Variants in CNTN5 observed in about 807,000 individuals in gnomAD.
CNTN5 encodes the protein contactin-5.
Under a neutral mutation model 129.1 loss-of-function variants are expected in CNTN5, and 77 were observed. The ratio of observed to expected loss-of-function variants is 0.60; its 90% CI spans 0.50 to 0.72. The LOEUF (loss-of-function observed/expected upper bound fraction) is 0.72, where lower values mean the gene tolerates loss of function less well. Ranked by LOEUF, CNTN5 falls within the 30% of genes least tolerant of loss-of-function variation. The pLI is 0.00. For missense variants in CNTN5, 1,478 were observed against 1,328.8 expected, an observed-to-expected ratio of 1.11 and a Z score of -1.75; for synonymous variants, 509 against 465.6, an observed-to-expected ratio of 1.09 and a Z score of -1.20.
chr11:99,472,453 T>C (rs7945901), intron 2 of CNTN5, among the ~76,000 whole-genome samples: 31,126 of 152,116 alleles, frequency 0.2, 3,292 homozygotes, highest in Admixed American at 0.24. Flanking sequence ...CCTGATGCTA[T>C]GTTTCTATGA....
intron 2 of CNTN5, among the ~76,000 whole-genome samples, chr11:99,493,659 T>C (rs534241019): frequency 9.2e-5 from 14 of 152,128 alleles, no homozygotes; most frequent in Non-Finnish European, 1.5e-4. Context: ...TAAAATTAAA[T>C]GTTAAGAAGA....
chr11:100,291,429 T>TA (rs1236663312), intron 18 of CNTN5, among the ~76,000 whole-genome samples: 13 of 142,260 alleles, frequency 9.1e-5, no homozygotes, highest in African/African-American at 3.3e-4. Context: ...TATGCAGCCA[T>TA]AAAATATGAT....
At position 99,584,607 on chromosome 11, in the gene CNTN5, C is replaced by T. The variant is rs187252897; in HGVS notation, c.55+28338C>T. Among the ~76,000 whole-genome samples, 1,307 of 152,188 alleles carry T rather than the reference C, an allele frequency of 8.6e-3. 18 individuals are homozygous for T. Among genetic ancestry groups the T allele is most frequent in the African/African-American group, 0.029 (1,191 of 41,524 alleles). The stretch of plus-strand genomic sequence containing the variant: ...CTCAATAATATCTCCCATGAAACAA[C>T]AAAAATATTAATATTATTAAATAAA... On this transcript the variant is annotated intron_variant, in intron 3 of 24. Transcript: ENST00000524871.
At chr11:99,629,610 T>C (rs983888923) in intron 3 of CNTN5, among the ~76,000 whole-genome samples, 2 of 66,610 alleles carry the variant, frequency 3.0e-5, no homozygotes, top group Non-Finnish European at 7.1e-5. Flanking sequence ...ATAAAAATTA[T>C]TAGATTTTTC....
intron 1 of CNTN5, among the ~76,000 whole-genome samples, chr11:99,073,089 A>G (rs1374455624): frequency 6.6e-6 from 1 of 152,180 alleles, no homozygotes; most frequent in Non-Finnish European, 1.5e-5. Flanking sequence ...TCATTGCTAT[A>G]TAGTATTCCA....
chr11:99,458,533 A>AT (rs983534512), intron 2 of CNTN5, among the ~76,000 whole-genome samples: 1 of 152,012 alleles, frequency 6.6e-6, no homozygotes, highest in Non-Finnish European at 1.5e-5. Flanking sequence ...AAAAATCTAT[A>AT]TATCTATTAT....
chr11:99,255,506 T>A (rs1391991409), intron 1 of CNTN5, among the ~76,000 whole-genome samples: 2 of 140,670 alleles, frequency 1.4e-5, no homozygotes, highest in African/African-American at 6.4e-5. Flanking sequence ...ATTAATTAAA[T>A]AAATACTTTA....
At chr11:100,128,241 T>C (rs1946259949) in intron 13 of CNTN5, among the ~76,000 whole-genome samples, 1 of 152,126 alleles carries the variant, frequency 6.6e-6, no homozygotes, top group Non-Finnish European at 1.5e-5. Flanking sequence ...TCCCTCCTTT[T>C]TTCCTGTCTC....
chr11:99,052,870 TA>T (rs1864482725), intron 1 of CNTN5, among the ~76,000 whole-genome samples: 1 of 151,902 alleles, frequency 6.6e-6, no homozygotes, highest in Non-Finnish European at 1.5e-5. Context: ...TGTAATGCTA[TA>T]ATAAAAGAAA....
chr11:99,336,945 T>C (rs1866253919), intron 2 of CNTN5, among the ~76,000 whole-genome samples: 1 of 152,156 alleles, frequency 6.6e-6, no homozygotes, highest in African/African-American at 2.4e-5. Context: ...ATGCTTGGTG[T>C]ACAGATTTTT....
chr11:99,190,933 G>C (rs770129343), intron 1 of CNTN5, among the ~76,000 whole-genome samples: 2 of 151,506 alleles, frequency 1.3e-5, no homozygotes, highest in Non-Finnish European at 3.0e-5. Context: ...GTCTTAGAGG[G>C]ATAGCTTTCA....
At chr11:100,260,104 A>G (rs892130104) in intron 17 of CNTN5, among the ~76,000 whole-genome samples, 2 of 152,222 alleles carry the variant, frequency 1.3e-5, no homozygotes, top group Admixed American at 1.3e-4. Flanking sequence ...AAAAAATGAT[A>G]AAGGGGATAT....
chr11:99,685,206 GTT>G (rs1419359181), intron 3 of CNTN5, among the ~76,000 whole-genome samples: 1 of 151,286 alleles, frequency 6.6e-6, no homozygotes, highest in African/African-American at 2.4e-5. Flanking sequence ...TACTTTCTAT[GTT>G]TTTTCTATTG....
intron 3 of CNTN5, among the ~76,000 whole-genome samples, chr11:99,648,316 A>AATAAGTAGTATAGACAG (rs1482011435): frequency 6.6e-6 from 1 of 151,598 alleles, no homozygotes; most frequent in Non-Finnish European, 1.5e-5. Flanking sequence ...TTTGTAAAAA[A>AATAAGTAGTATAGACAG]TGTTCAGCAT....
chr11:100,242,013 T>C (rs1008586419), intron 16 of CNTN5, among the ~76,000 whole-genome samples: 1 of 152,238 alleles, frequency 6.6e-6, no homozygotes, highest in East Asian at 1.9e-4. Flanking sequence ...GCTTCTTTCT[T>C]TGGACTTCTC....
intron 3 of CNTN5, among the ~76,000 whole-genome samples, chr11:99,748,532 T>G (rs1591087512): frequency 6.6e-6 from 1 of 152,100 alleles, no homozygotes; most frequent in Non-Finnish European, 1.5e-5. Flanking sequence ...GCTGGAGAAC[T>G]AGAAAAGCCA....
chr11:100,094,765 A>AAGGAAGGAAGG (rs1491219635), intron 13 of CNTN5, among the ~76,000 whole-genome samples: 24 of 113,850 alleles, frequency 2.1e-4, no homozygotes, highest in African/African-American at 6.8e-4. Context: ...GGGAGGGAGG[A>AAGGAAGGAAGG]AAGGAAGGAA....
At chr11:99,417,279 A>G (rs979630936) in intron 2 of CNTN5, among the ~76,000 whole-genome samples, 5 of 152,166 alleles carry the variant, frequency 3.3e-5, no homozygotes, top group African/African-American at 1.2e-4. Flanking sequence ...AAACACACTC[A>G]TTGGTTTGAC....
chr11:99,242,843 C>G (rs1861628930), intron 1 of CNTN5, among the ~76,000 whole-genome samples: 1 of 152,038 alleles, frequency 6.6e-6, no homozygotes, highest in Admixed American at 6.6e-5. Context: ...TTATAGTATT[C>G]CATGGTGTAT....
Sources: gnomAD v4.1 joint callset for allele counts (sites outside exome capture counted in the v4.1 genomes callset) on GRCh38, gnomAD v4.1.1 for gene constraint, MANE v1.5 for transcripts, NCBI Gene and HGNC (gene_info 2026-07-23, HGNC 2026-07-21) for gene names.